CERS6: variants seen among roughly 807,000 people sequenced by gnomAD.
CERS6 encodes the protein ceramide synthase 6, also known as LAG1 homolog, ceramide synthase 6.
CERS6 carries 26 observed loss-of-function variants against 56.8 expected under a neutral mutation model. The ratio of observed to expected loss-of-function variants is 0.46; its 90% CI spans 0.34 to 0.63. CERS6 has a LOEUF of 0.63. Ranked by LOEUF, CERS6 falls within the 30% of genes least tolerant of loss-of-function variation. CERS6 has a pLI of 0.01. For missense variants in CERS6, 415 were observed against 467.5 expected (o/e 0.89, Z 1.04); for synonymous variants, 164 against 173.3 (o/e 0.95, Z 0.42).
chr2:168,724,806 C>T (rs1055242497), intron 8 of CERS6, among the ~76,000 whole-genome samples: 10 of 152,238 alleles, frequency 6.6e-5, no homozygotes, highest in African/African-American at 2.2e-4. Flanking sequence ...TCCAAGGCCC[C>T]ACCAGACTCA....
intron 1 of CERS6, among the ~76,000 whole-genome samples, chr2:168,457,997 C>T (rs190685269): frequency 6.6e-6 from 1 of 152,134 alleles, no homozygotes; most frequent in East Asian, 1.9e-4. Context: ...TGTCATTGAT[C>T]CTATACAAAA....
At chr2:168,737,039 A>G (rs1386060044) in intron 8 of CERS6, among the ~76,000 whole-genome samples, 2 of 151,850 alleles carry the variant, frequency 1.3e-5, no homozygotes, top group African/African-American at 4.8e-5. Flanking sequence ...CTTTCTCTCC[A>G]CCACTTTTTA....
At chr2:168,486,339 C>T (rs77837319) in intron 1 of CERS6, among the ~76,000 whole-genome samples, 6,558 of 152,006 alleles carry the variant, frequency 0.043, 274 homozygotes, top group African/African-American at 0.1. Context: ...TGAAGATCAG[C>T]TTACTGATTT....
intron 8 of CERS6, among the ~76,000 whole-genome samples, chr2:168,751,184 A>G (rs114996973): frequency 0.014 from 2,128 of 152,338 alleles, 55 homozygotes; most frequent in African/African-American, 0.046. Flanking sequence ...TCTGCAGGCT[A>G]GAATATGGCT....
At chr2:168,503,914 C>T (rs746754276) in intron 1 of CERS6, among the ~76,000 whole-genome samples, 1 of 152,146 alleles carries the variant, frequency 6.6e-6, no homozygotes, top group African/African-American at 2.4e-5. Context: ...AAGAAACCCT[C>T]TAAGCTGTTT....
chr2:168,741,174 T>G (rs1055912257), intron 8 of CERS6, among the ~76,000 whole-genome samples: 1 of 152,184 alleles, frequency 6.6e-6, no homozygotes, highest in African/African-American at 2.4e-5. Context: ...ATCTACTCAC[T>G]CTAACCTCTT....
intron 3 of CERS6, among the ~76,000 whole-genome samples, chr2:168,598,036 C>T (rs1035399020): frequency 1.3e-5 from 2 of 152,194 alleles, no homozygotes; most frequent in African/African-American, 2.4e-5. Flanking sequence ...TAACTCTTTT[C>T]TGTCCTCCCC....
Position 168,770,720 on chromosome 2 carries a change from A to G in CERS6, c.*1058A>G, listed in dbSNP as rs1437664368. 6.6e-6 allele frequency: 1 copy of G among 152,626 alleles called. No homozygotes were observed. The highest frequency in any genetic ancestry group is 1.5e-5 in the Non-Finnish European group (1 of 68,028). The allele number at this position is 152,626 out of a possible 1,614,324, so 9.5% of individuals were successfully genotyped here. ...AAGCCCTATCTAGTACTTGATGTTG[A>G]TGTTTTTATTTTGCTGAGCAAAATA... On this transcript the variant is annotated 3_prime_UTR_variant, in exon 10 of 10. Coordinates refer to ENST00000305747, the MANE Select transcript of CERS6 (RefSeq NM_203463.3).
chr2:168,603,559 G>A (rs952330119), intron 3 of CERS6, among the ~76,000 whole-genome samples: 1 of 152,160 alleles, frequency 6.6e-6, no homozygotes, highest in African/African-American at 2.4e-5. Context: ...AGATTTCACC[G>A]AAGCCCATTT....
intron 1 of CERS6, among the ~76,000 whole-genome samples, chr2:168,519,002 G>C (rs1013843098): frequency 7.2e-5 from 11 of 152,176 alleles, no homozygotes; most frequent in Non-Finnish European, 1.6e-4. Flanking sequence ...TCCTGACAAA[G>C]TCAGTGCCCC....
At chr2:168,660,851 C>T (rs1043113812) in intron 4 of CERS6, among the ~76,000 whole-genome samples, 1 of 151,996 alleles carries the variant, frequency 6.6e-6, no homozygotes, top group African/African-American at 2.4e-5. Flanking sequence ...AATATTTGGC[C>T]CAGAAGCAAT....
At chr2:168,620,162 G>T (rs564927016) in intron 3 of CERS6, among the ~76,000 whole-genome samples, 13 of 152,018 alleles carry the variant, frequency 8.6e-5, no homozygotes, top group Admixed American at 6.6e-4. Flanking sequence ...ATTATTCTAA[G>T]TGAAGTAACT....
chr2:168,621,646 G>GTGCT (rs542150709), intron 3 of CERS6, among the ~76,000 whole-genome samples: 346 of 152,292 alleles, frequency 2.3e-3, no homozygotes, highest in Non-Finnish European at 3.9e-3. Flanking sequence ...ACCTTGCTGG[G>GTGCT]TGCTTGACAA....
chr2:168,667,507 G>T (rs1482478874), intron 4 of CERS6, among the ~76,000 whole-genome samples: 1 of 152,176 alleles, frequency 6.6e-6, no homozygotes, highest in East Asian at 1.9e-4. Context: ...AGTTATCAGA[G>T]ACTTGAGTGC....
intron 1 of CERS6, among the ~76,000 whole-genome samples, chr2:168,528,223 A>C (rs1695104109): frequency 6.6e-6 from 1 of 152,194 alleles, no homozygotes; most frequent in Admixed American, 6.5e-5. Context: ...TCACTGCCCT[A>C]AAAATTATTT....
At chr2:168,739,884 A>G (rs952861927) in intron 8 of CERS6, among the ~76,000 whole-genome samples, 5 of 151,742 alleles carry the variant, frequency 3.3e-5, no homozygotes, top group African/African-American at 1.2e-4. Context: ...TAATTTTTGT[A>G]TTTTTAGTAG....
In CERS6 at chr2:168,765,899, A is replaced by G. The variant is rs1684719369; in HGVS notation, c.1002+151A>G. ...ATTGAGTCATTTCCTTTTCTAGTTC[A>G]TTTTTTAAGTCTTCAGTGTTCCTTT... On this transcript the variant is annotated intron_variant, in intron 9 of 9. Transcript: ENST00000305747. 2.4e-5 allele frequency: 17 copies of G among 695,732 alleles called. 1 individual carries two copies. The South Asian group carries it at 3.4e-4, about 14-fold the overall frequency. 43.1% of individuals were successfully genotyped at this position (695,732 alleles called of 1,614,324 possible).
intron 8 of CERS6, among the ~76,000 whole-genome samples, chr2:168,729,272 T>C (rs1396541254): frequency 2.6e-5 from 4 of 152,220 alleles, no homozygotes; most frequent in African/African-American, 9.7e-5. Context: ...AATTGTGTAT[T>C]TGACCAGGCA....
At chr2:168,463,548 A>G (rs1693814111) in intron 1 of CERS6, among the ~76,000 whole-genome samples, 1 of 152,202 alleles carries the variant, frequency 6.6e-6, no homozygotes, top group African/African-American at 2.4e-5. Flanking sequence ...CAAATTGCCA[A>G]ATTGTTGTCC....
Sources: gnomAD v4.1 joint callset for allele counts (sites outside exome capture counted in the v4.1 genomes callset) on GRCh38, gnomAD v4.1.1 for gene constraint, MANE v1.5 for transcripts, NCBI Gene and HGNC (gene_info 2026-07-23, HGNC 2026-07-21) for gene names.